The following KCNMB4 variants were observed in gnomAD, a reference collection of about 807,000 sequenced individuals.
The protein encoded by KCNMB4 is calcium-activated potassium channel subunit beta-4.
A neutral mutation model predicts 20.7 loss-of-function variants in KCNMB4; 3 were observed. The ratio of observed to expected loss-of-function variants is 0.14; its 90% CI spans 0.07 to 0.37. KCNMB4 has a LOEUF of 0.37. Among genes scored for constraint, KCNMB4 ranks in the 10% least tolerant of loss-of-function variants. The pLI, the probability that KCNMB4 is intolerant of heterozygous loss-of-function variation, is 1.00. For synonymous variants in KCNMB4, 110 were observed against 113.4 expected (o/e 0.97, Z 0.19); for missense variants, 168 against 265.9 (o/e 0.63, Z 2.56).
intron 1 of KCNMB4, among the ~76,000 whole-genome samples, chr12:70,391,634 T>A (rs567310530): frequency 6.6e-6 from 1 of 152,122 alleles, no homozygotes; most frequent in Non-Finnish European, 1.5e-5. Flanking sequence ...GGGTCAGAAA[T>A]TTATAAAGGA....
intron 2 of KCNMB4, among the ~76,000 whole-genome samples, chr12:70,413,860 A>T (rs1336109185): frequency 6.6e-6 from 1 of 152,192 alleles, no homozygotes; most frequent in Non-Finnish European, 1.5e-5. Context: ...GACAGAAAGT[A>T]TATTAAGTTT....
At chr12:70,384,873 C>CAAAAAAAA (rs57306622) in intron 1 of KCNMB4, among the ~76,000 whole-genome samples, 59 of 74,266 alleles carry the variant, frequency 7.9e-4, no homozygotes, top group Non-Finnish European at 1.1e-3. Context: ...GACCCTGTCT[C>CAAAAAAAA]AAAAAAAAAA....
chr12:70,434,058 C>T lies in KCNMB4; in HGVS notation c.*3405C>T, dbSNP rs1440618623. On this transcript the variant is annotated 3_prime_UTR_variant, in exon 3 of 3. Transcript: ENST00000258111. ...CTTTCAAGACTCACCTTTCCCTTCT[C>T]CCTTATGCTGCACATCTGGGCAAGC... is the stretch of plus-strand genomic sequence containing the variant. The T allele has an allele frequency of 6.6e-6, 1 of 152,232 alleles. No individual in the cohort carries two copies. The highest frequency in any genetic ancestry group is 2.4e-5 in the African/African-American group (1 of 41,444). The allele number at this position is 152,232 out of a possible 1,614,324, so 9.4% of individuals were successfully genotyped here.
At chr12:70,370,382 A>C (rs956003412) in intron 1 of KCNMB4, among the ~76,000 whole-genome samples, 12 of 149,994 alleles carry the variant, frequency 8.0e-5, no homozygotes, top group African/African-American at 2.5e-4. Flanking sequence ...ATCTCGGCTC[A>C]CTGCAAGCTC....
chr12:70,375,013 T>C (rs1455178885), intron 1 of KCNMB4, among the ~76,000 whole-genome samples: 2 of 152,186 alleles, frequency 1.3e-5, no homozygotes, highest in African/African-American at 4.8e-5. Flanking sequence ...TAATACTCTA[T>C]AGTGAGTGCT....
chr12:70,401,335 G>A (rs1198191785), intron 2 of KCNMB4, among the ~76,000 whole-genome samples: 1 of 152,020 alleles, frequency 6.6e-6, no homozygotes, highest in African/African-American at 2.4e-5. Flanking sequence ...ACATCATGTT[G>A]ATTTTTACCT....
intron 1 of KCNMB4, among the ~76,000 whole-genome samples, chr12:70,381,994 C>A (rs1399557560): frequency 1.3e-5 from 2 of 152,144 alleles, no homozygotes; most frequent in Non-Finnish European, 2.9e-5. Flanking sequence ...GGTGTTAAAA[C>A]TGCCTATTAT....
intron 1 of KCNMB4, among the ~76,000 whole-genome samples, chr12:70,393,014 T>G (rs568630473): frequency 2.1e-3 from 315 of 152,068 alleles, no homozygotes; most frequent in African/African-American, 7.0e-3. Context: ...GTATTGGCCA[T>G]CTCCTCAGGA....
chr12:70,422,038 C>T (rs754977838), intron 2 of KCNMB4, among the ~76,000 whole-genome samples: 5 of 152,122 alleles, frequency 3.3e-5, no homozygotes, highest in Non-Finnish European at 7.3e-5. Flanking sequence ...ATTGTCCCAA[C>T]ACAATTTATT....
In KCNMB4 at chr12:70,430,784, C is replaced by A; in HGVS notation, c.*131C>A. On this transcript the variant is annotated 3_prime_UTR_variant, in exon 3 of 3. Transcript: ENST00000258111. ...ACAGGGCTCTGAGAGGCTCATCCCT[C>A]AGTGGCAACAGAAACAGGCACAACT... is the stretch of plus-strand genomic sequence containing the variant. 1.2e-6 allele frequency: 1 copy of A among 802,716 alleles called. No individual in the cohort carries two copies. Among genetic ancestry groups the A allele is most frequent in the Non-Finnish European group, 1.8e-6 (1 of 554,220 alleles). The allele number at this position is 802,716 out of a possible 1,614,324, so 49.7% of individuals were successfully genotyped here.
chr12:70,369,537 C>A (rs531896738), intron 1 of KCNMB4, among the ~76,000 whole-genome samples: 1 of 152,148 alleles, frequency 6.6e-6, no homozygotes, highest in Non-Finnish European at 1.5e-5. Flanking sequence ...GAATCCCAGC[C>A]GCCTCCAGGC....
At chr12:70,367,294 A>G (rs11178201) in intron 1 of KCNMB4, among the ~76,000 whole-genome samples, 2,124 of 152,264 alleles carry the variant, frequency 0.014, 51 homozygotes, top group African/African-American at 0.048. Flanking sequence ...CCAGAGGCTT[A>G]CTTTAAAACC....
chr12:70,396,199 A>G (rs1233694584), intron 1 of KCNMB4, among the ~76,000 whole-genome samples: 1 of 152,212 alleles, frequency 6.6e-6, no homozygotes, highest in Non-Finnish European at 1.5e-5. Flanking sequence ...AGGAGCTCCA[A>G]AGAGAGAAGA....
chr12:70,422,887 G>T, intron 2 of KCNMB4: 1 of 1,121,674 alleles, frequency 8.9e-7, no homozygotes, highest in Non-Finnish European at 1.1e-6. Context: ...TACTCTGGGA[G>T]CACAGAGTGG....
intron 2 of KCNMB4, among the ~76,000 whole-genome samples, chr12:70,429,432 C>T (rs1869298044): frequency 6.6e-6 from 1 of 151,980 alleles, no homozygotes; most frequent in Non-Finnish European, 1.5e-5. Context: ...TTTGGGAGGC[C>T]GAGGAGGGCG....
Position 70,430,746 on chromosome 12 carries a change from G to T in KCNMB4, c.*93G>T. 1.6e-6 allele frequency: 2 copies of T among 1,287,152 alleles called. No individual in the cohort carries two copies. The highest frequency in any genetic ancestry group is 2.1e-6 in the Non-Finnish European group (2 of 967,292). The allele number at this position is 1,287,152 out of a possible 1,614,324, so 79.7% of individuals were successfully genotyped here. On this transcript the variant is annotated 3_prime_UTR_variant, in exon 3 of 3. Transcript: ENST00000258111. ...ACCTGTGTTTCCTGGCGCAGGAGAT[G>T]GACAGGGCCACGACAGGGCTCTGAG...
chr12:70,388,130 G>A (rs1010593186), intron 1 of KCNMB4, among the ~76,000 whole-genome samples: 9 of 151,860 alleles, frequency 5.9e-5, no homozygotes, highest in Middle Eastern at 3.2e-3. Context: ...CTCCAGTTCC[G>A]TCCATGATGT....
At chr12:70,421,288 C>T (rs978563487) in intron 2 of KCNMB4, among the ~76,000 whole-genome samples, 2 of 150,936 alleles carry the variant, frequency 1.3e-5, no homozygotes, top group Non-Finnish European at 2.9e-5. Flanking sequence ...GTCCAGAGTT[C>T]GAGACTGGCC....
chr12:70,418,107 G>A (rs1470605334), intron 2 of KCNMB4, among the ~76,000 whole-genome samples: 1 of 152,178 alleles, frequency 6.6e-6, no homozygotes, highest in Admixed American at 6.5e-5. Flanking sequence ...GAGATGGTAA[G>A]AAGATACATT....
Sources: gnomAD v4.1 joint callset for allele counts (sites outside exome capture counted in the v4.1 genomes callset) on GRCh38, gnomAD v4.1.1 for gene constraint, MANE v1.5 for transcripts, NCBI Gene and HGNC (gene_info 2026-07-23, HGNC 2026-07-21) for gene names.